The following TMLHE variants were observed in gnomAD, a reference collection of about 807,000 sequenced individuals.
TMLHE encodes trimethyllysine hydroxylase, epsilon, also known as trimethyllysine dioxygenase, mitochondrial.
Under a neutral mutation model 25.7 loss-of-function variants are expected in TMLHE, and 18 were observed. The observed-to-expected ratio is 0.70, with a 90% CI of 0.48 to 1.04. The LOEUF (loss-of-function observed/expected upper bound fraction) is 1.04, where lower values mean the gene tolerates loss of function less well. Ranked by LOEUF, TMLHE falls within the 50% of genes least tolerant of loss-of-function variation. TMLHE has a pLI of 0.00. For synonymous variants in TMLHE, 105 were observed against 97.0 expected (o/e 1.08, Z -0.49); for missense variants, 236 against 259.0 (o/e 0.91, Z 0.61).
intron 1 of TMLHE, among the ~76,000 whole-genome samples, chrX:155,548,531 T>TG (rs1569562090): frequency 3.7e-5 from 4 of 107,811 alleles, no homozygotes; most frequent in Non-Finnish European, 7.6e-5. Flanking sequence ...GTCAGCAGTA[T>TG]GAGGCCAGCC....
chrX:155,544,810 A>G (rs1157483751), intron 2 of TMLHE, among the ~76,000 whole-genome samples: 1 of 110,793 alleles, frequency 9.0e-6, no homozygotes, highest in Non-Finnish European at 1.9e-5. Context: ...GGATTTCACT[A>G]TTGCCCTCTG....
At chrX:155,504,968 G>T (rs1387929754) in intron 6 of TMLHE, among the ~76,000 whole-genome samples, 2 of 111,352 alleles carry the variant, frequency 1.8e-5, no homozygotes, top group African/African-American at 6.5e-5. Flanking sequence ...ATATGCATTG[G>T]TCAAAACTCA....
At chrX:155,544,891 C>CAA (rs2124410614) in intron 2 of TMLHE, among the ~76,000 whole-genome samples, 1 of 111,498 alleles carries the variant, frequency 9.0e-6, no homozygotes, top group East Asian at 2.8e-4. Context: ...GTCAACTCCA[C>CAA]AAAAAGTATT....
intron 2 of TMLHE, among the ~76,000 whole-genome samples, chrX:155,528,433 C>T (rs1481851457): frequency 1.8e-5 from 2 of 110,223 alleles, no homozygotes; most frequent in African/African-American, 6.6e-5. Flanking sequence ...ACCCATCACC[C>T]GAGTAGTGTA....
At chrX:155,560,619 AG>A in intron 1 of TMLHE, among the ~76,000 whole-genome samples, 1 of 55,514 alleles carries the variant, frequency 1.8e-5, no homozygotes, top group African/African-American at 3.8e-5. Flanking sequence ...TAGACTAGGC[AG>A]AGGGGATAGC....
intron 5 of TMLHE, among the ~76,000 whole-genome samples, chrX:155,511,274 ACT>A (rs1429836005): frequency 2.8e-5 from 3 of 108,925 alleles, no homozygotes; most frequent in African/African-American, 1.0e-4. Flanking sequence ...CTCCTCCCTG[ACT>A]CTCTCTCACT....
Position 155,547,354 on chromosome X carries a change from C to A in TMLHE, c.-1-2077G>T, listed in dbSNP as rs782647715. 1.2e-4 allele frequency among the ~76,000 whole-genome samples: 13 copies of A among 109,050 alleles called. No individual in the cohort carries two copies. In the East Asian group the frequency reaches 3.7e-3, roughly 31 times the overall value. The allele number at this position is 109,050 out of a possible 115,157, so 94.7% of individuals were successfully genotyped here. A position where few individuals can be genotyped will look rare whatever the true frequency, so the allele number is the denominator to read the frequency against. ...AGAGACGGGGTTTCACCGTGTTAGCCAGGATGGTCTCGATCTCCTGACCTC... is the reference window on the plus strand; with the variant it reads ...AGAGACGGGGTTTCACCGTGTTAGCAAGGATGGTCTCGATCTCCTGACCTC... On this transcript the variant is annotated intron_variant, in intron 1 of 7. Coordinates refer to ENST00000334398, the MANE Select transcript of TMLHE (RefSeq NM_018196.4).
intron 1 of TMLHE, among the ~76,000 whole-genome samples, chrX:155,581,158 G>T (rs2067625331): frequency 9.0e-6 from 1 of 111,436 alleles, no homozygotes; most frequent in African/African-American, 3.3e-5. Context: ...AAACTAGGTA[G>T]TGATGGAACG....
chrX:155,596,823 C>A (rs1159883455), intron 1 of TMLHE, among the ~76,000 whole-genome samples: 1 of 111,554 alleles, frequency 9.0e-6, no homozygotes, highest in Non-Finnish European at 1.9e-5. Flanking sequence ...CTCAGGAATA[C>A]ATTTCTTCTA....
Position 155,541,892 on chromosome X carries a change from G to GT in TMLHE, c.181+3203dup, listed in dbSNP as rs1191898716. Among the ~76,000 whole-genome samples the GT allele has an allele frequency of 8.9e-3, 939 of 105,196 alleles. 11 individuals carry two copies. The highest frequency in any genetic ancestry group is 0.03 in the African/African-American group (880 of 29,090). 91.4% of individuals were successfully genotyped at this position (105,196 alleles called of 115,157 possible). ...CCTTTGCCCACTTTTTGATGGGGTT[G>GT]TTTTTTTTTTCATGTAAATTTGTCT... On this transcript the variant is annotated intron_variant, in intron 2 of 7. Transcript: ENST00000334398.
intron 6 of TMLHE, among the ~76,000 whole-genome samples, chrX:155,505,391 T>C (rs2067070549): frequency 9.0e-6 from 1 of 111,617 alleles, no homozygotes; most frequent in Admixed American, 9.5e-5. Context: ...GGAAGTAAAT[T>C]AATATTTACA....
At chrX:155,578,812 G>A (rs1279757540) in intron 1 of TMLHE, among the ~76,000 whole-genome samples, 1 of 111,079 alleles carries the variant, frequency 9.0e-6, no homozygotes, top group Non-Finnish European at 1.9e-5. Flanking sequence ...GCCACCACTG[G>A]GGCCCCAAAA....
intron 1 of TMLHE, among the ~76,000 whole-genome samples, chrX:155,557,417 A>C (rs2124440766): frequency 1.8e-5 from 2 of 112,372 alleles, no homozygotes; most frequent in Non-Finnish European, 1.9e-5. Flanking sequence ...TAGAACTGTT[A>C]GCTACTAAAT....
intron 1 of TMLHE, among the ~76,000 whole-genome samples, chrX:155,548,095 C>G (rs782738770): frequency 8.1e-5 from 9 of 111,717 alleles, no homozygotes; most frequent in African/African-American, 2.9e-4. Flanking sequence ...AAAATACAAT[C>G]TAAGTGAATT....
intron 5 of TMLHE, 61 bp from the exon 6 acceptor site, chrX:155,507,195 A>G (rs2067081490): frequency 1.4e-6 from 1 of 734,339 alleles, no homozygotes; most frequent in African/African-American, 2.1e-5. Context: ...AAAATTCTAG[A>G]AATTATATAT....
chrX:155,551,514 A>G (rs2067415532), intron 1 of TMLHE, among the ~76,000 whole-genome samples: 1 of 109,376 alleles, frequency 9.1e-6, no homozygotes, highest in Admixed American at 9.6e-5. Context: ...AAGCGTTCCT[A>G]TTTCTCCACA....
intron 1 of TMLHE, among the ~76,000 whole-genome samples, chrX:155,595,137 A>T (rs1378513291): frequency 8.9e-6 from 1 of 112,131 alleles, no homozygotes; most frequent in African/African-American, 3.2e-5. Context: ...ACTGTACATG[A>T]TGCCATTCAC....
At chrX:155,528,434 G>A (rs1250114777) in intron 2 of TMLHE, among the ~76,000 whole-genome samples, 1 of 110,193 alleles carries the variant, frequency 9.1e-6, no homozygotes, top group Non-Finnish European at 1.9e-5. Context: ...CCCATCACCC[G>A]AGTAGTGTAC....
intron 4 of TMLHE, among the ~76,000 whole-genome samples, chrX:155,512,273 C>T (rs1353143810): frequency 2.8e-5 from 3 of 107,703 alleles, no homozygotes; most frequent in African/African-American, 1.0e-4. Flanking sequence ...CCCACTAACT[C>T]ATCATCTAGC....
Sources: allele counts gnomAD v4.1 joint callset (sites outside exome capture counted in the v4.1 genomes callset), GRCh38; gene constraint gnomAD v4.1.1; transcripts MANE v1.5; gene names NCBI Gene and HGNC (gene_info 2026-07-23, HGNC 2026-07-21).